LIN54: variants seen among roughly 807,000 people sequenced by gnomAD.
LIN54 encodes the protein lin-54 DREAM MuvB core complex component.
LIN54 carries 9 observed loss-of-function variants against 78.7 expected under a neutral mutation model. The ratio of observed to expected loss-of-function variants is 0.11; its 90% CI spans 0.07 to 0.20. The LOEUF is 0.20. LIN54 is among the 10% of genes least tolerant of loss of function. The pLI, the probability that LIN54 is intolerant of heterozygous loss-of-function variation, is 1.00. For missense variants in LIN54, 573 were observed against 889.9 expected (o/e 0.64, Z 4.53); for synonymous variants, 269 against 318.4 (o/e 0.84, Z 1.65).
intron 11 of LIN54, among the ~76,000 whole-genome samples, chr4:82,933,937 A>C (rs181174451): frequency 6.6e-6 from 1 of 152,144 alleles, no homozygotes; most frequent in Non-Finnish European, 1.5e-5. Flanking sequence ...ACTTTACATA[A>C]ATTTCCATGT....
intron 11 of LIN54, among the ~76,000 whole-genome samples, chr4:82,935,041 A>G (rs978992202): frequency 6.6e-6 from 1 of 152,118 alleles, no homozygotes; most frequent in Non-Finnish European, 1.5e-5. Flanking sequence ...GTGGAACAAC[A>G]AAACAGTGAA....
intron 4 of LIN54, among the ~76,000 whole-genome samples, chr4:82,949,073 T>C (rs989791569): frequency 6.6e-5 from 10 of 152,170 alleles, no homozygotes; most frequent in Non-Finnish European, 1.3e-4. Context: ...TATTTTCAAT[T>C]TCTTTAGAAA....
chr4:82,939,470 T>C, intron 7 of LIN54, 69 bp downstream of exon 7: 1 of 1,293,012 alleles, frequency 7.7e-7, no homozygotes, highest in Non-Finnish European at 1.1e-6. Context: ...GTAGCTTCTG[T>C]GATAGCACTA....
At chr4:82,983,101 G>T (rs553829363) in intron 2 of LIN54, among the ~76,000 whole-genome samples, 1 of 150,400 alleles carries the variant, frequency 6.6e-6, no homozygotes, top group East Asian at 2.0e-4. Context: ...TCTGCCTCCC[G>T]GGTTCAACCG....
chr4:82,984,916 C>T, intron 1 of LIN54, 40 bp from the exon 2 acceptor site: 4 of 1,372,250 alleles, frequency 2.9e-6, no homozygotes, highest in Non-Finnish European at 3.9e-6. Flanking sequence ...TACTAGGTTT[C>T]AAAAGATGTA....
At chr4:82,985,701 G>A (rs779215225) in intron 1 of LIN54, among the ~76,000 whole-genome samples, 2 of 152,044 alleles carry the variant, frequency 1.3e-5, no homozygotes, top group African/African-American at 4.8e-5. Flanking sequence ...CCACCAAGCC[G>A]GGCTAATTTT....
chr4:82,937,928 G>A (rs1019516404), intron 8 of LIN54, among the ~76,000 whole-genome samples: 3 of 152,082 alleles, frequency 2.0e-5, no homozygotes, highest in African/African-American at 4.8e-5. Flanking sequence ...CCCAGGAGGT[G>A]GAGATTAGCC....
intron 5 of LIN54, among the ~76,000 whole-genome samples, chr4:82,940,446 G>C (rs556949569): frequency 2.6e-4 from 39 of 152,270 alleles, no homozygotes; most frequent in African/African-American, 8.2e-4. Flanking sequence ...AGGCTGGAGT[G>C]TAGTGGTGCA....
intron 2 of LIN54, among the ~76,000 whole-genome samples, chr4:82,979,806 G>A (rs191447526): frequency 1.6e-4 from 25 of 151,594 alleles, no homozygotes; most frequent in African/African-American, 5.1e-4. Context: ...GTGTGGTGGC[G>A]CACACCTATA....
At chr4:83,010,240 G>T (rs1729749474) in intron 1 of LIN54, among the ~76,000 whole-genome samples, 1 of 152,130 alleles carries the variant, frequency 6.6e-6, no homozygotes, top group Non-Finnish European at 1.5e-5. Context: ...CATTATATCA[G>T]GAAATCATGA....
intron 5 of LIN54, among the ~76,000 whole-genome samples, chr4:82,944,444 G>A (rs531435690): frequency 9.1e-4 from 139 of 152,148 alleles, no homozygotes; most frequent in African/African-American, 3.2e-3. Flanking sequence ...TTTAAGTATT[G>A]AGAGAATATA....
At chr4:82,977,583 A>G (rs1483521025) in intron 3 of LIN54, among the ~76,000 whole-genome samples, 1 of 152,234 alleles carries the variant, frequency 6.6e-6, no homozygotes, top group East Asian at 1.9e-4. Context: ...TCAAAGCCTC[A>G]GGAAAATGAC....
At chr4:82,990,722 A>G (rs1315299341) in intron 1 of LIN54, among the ~76,000 whole-genome samples, 1 of 151,896 alleles carries the variant, frequency 6.6e-6, no homozygotes, top group African/African-American at 2.4e-5. Flanking sequence ...TGACCTCGTG[A>G]TCCGCCCGCC....
chr4:82,935,250 T>C (rs1359960514), intron 11 of LIN54, among the ~76,000 whole-genome samples: 1 of 148,746 alleles, frequency 6.7e-6, no homozygotes, highest in Non-Finnish European at 1.5e-5. Context: ...ATGCAGGCTA[T>C]TTTGTATCCA....
rs115751935 is a variant in LIN54 at position 82,995,805 on chromosome 4, T to C, written c.-32-10929A>G. On this transcript the variant is annotated intron_variant, in intron 1 of 12. Coordinates refer to ENST00000340417, the MANE Select transcript of LIN54 (RefSeq NM_194282.4). ...TCAGCCTCTACTCCTGGCCTCCCTG[T>C]TTGTTTCAATCAGGGTCACATGCAG... Among the ~76,000 whole-genome samples the C allele has an allele frequency of 1.9e-3, 285 of 151,578 alleles. 3 individuals carry two copies. Among genetic ancestry groups the C allele is most frequent in the African/African-American group, 6.5e-3 (270 of 41,436 alleles).
chr4:82,976,214 T>C (rs1726149507), intron 3 of LIN54, among the ~76,000 whole-genome samples: 1 of 152,158 alleles, frequency 6.6e-6, no homozygotes, highest in Non-Finnish European at 1.5e-5. Flanking sequence ...TTGAACTTAA[T>C]CCTGATGGGT....
chr4:82,949,314 C>A (rs1560735517), intron 4 of LIN54, among the ~76,000 whole-genome samples: 1 of 152,148 alleles, frequency 6.6e-6, no homozygotes, highest in Non-Finnish European at 1.5e-5. Context: ...TGTACCTTTG[C>A]AGAAATGTCT....
Position 82,972,404 on chromosome 4 carries a change from T to C in LIN54, c.809-1935A>G, listed in dbSNP as rs954600671. ...TTTAATGACATTCTGCCAGGTTTTT[T>C]AAAAACCTGAATACATCATAATTAC... On this transcript the variant is annotated intron_variant, in intron 3 of 12. Transcript: ENST00000340417. 5.3e-5 allele frequency among the ~76,000 whole-genome samples: 8 copies of C among 152,272 alleles called. No individual in the cohort carries two copies. In the East Asian group the frequency reaches 1.5e-3, roughly 29 times the overall value.
chr4:82,937,390 TA>T, intron 8 of LIN54, 92 bp from the exon 9 acceptor site: 2 of 760,278 alleles, frequency 2.6e-6, no homozygotes, highest in Non-Finnish European at 4.2e-6. Context: ...TTTAAAAAAT[TA>T]GACCTAAAAC....
Sources: gnomAD v4.1 joint callset for allele counts (sites outside exome capture counted in the v4.1 genomes callset) on GRCh38, gnomAD v4.1.1 for gene constraint, MANE v1.5 for transcripts, NCBI Gene and HGNC (gene_info 2026-07-23, HGNC 2026-07-21) for gene names.